Variants in ZFYVE9 observed in about 807,000 individuals in gnomAD.
ZFYVE9 encodes zinc finger FYVE domain-containing protein 9.
ZFYVE9 carries 43 observed loss-of-function variants against 126.7 expected under a neutral mutation model. The observed-to-expected ratio is 0.34, with a 90% CI of 0.27 to 0.44. The LOEUF (loss-of-function observed/expected upper bound fraction) is 0.44, where lower values mean the gene tolerates loss of function less well. ZFYVE9 is among the 20% of genes least tolerant of loss of function. The probability of loss-of-function intolerance (pLI) is 1.00; values close to 1 mark genes in which losing one functional copy is unlikely to be tolerated. For synonymous variants in ZFYVE9, 521 were observed against 597.4 expected, an observed-to-expected ratio of 0.87 and a Z score of 1.87; for missense variants, 1,476 against 1,697.0, an observed-to-expected ratio of 0.87 and a Z score of 2.29.
chr1:52,344,232 G>A (rs529256146), intron 17 of ZFYVE9, among the ~76,000 whole-genome samples: 3 of 152,316 alleles, frequency 2.0e-5, no homozygotes, highest in Non-Finnish European at 4.4e-5. Context: ...TAGTGGCAGG[G>A]CTGTGTGGTG....
chr1:52,344,004 A>G (rs1646463268), intron 17 of ZFYVE9, among the ~76,000 whole-genome samples: 1 of 151,844 alleles, frequency 6.6e-6, no homozygotes, highest in Non-Finnish European at 1.5e-5. Context: ...CCTAAGAGGC[A>G]AAGGTTGCAG....
intron 2 of ZFYVE9, among the ~76,000 whole-genome samples, chr1:52,224,499 A>C (rs1645152291): frequency 6.6e-6 from 1 of 152,162 alleles, no homozygotes; most frequent in South Asian, 2.1e-4. Flanking sequence ...TTTTTCTCCA[A>C]CATAGAGCAT....
intron 12 of ZFYVE9, among the ~76,000 whole-genome samples, chr1:52,298,630 T>C (rs1646000520): frequency 6.6e-6 from 1 of 152,150 alleles, no homozygotes; most frequent in South Asian, 2.1e-4. Flanking sequence ...TTTGAGGCCT[T>C]TTGTGGTTTT....
chr1:52,222,779 CT>C (rs1645135898), intron 2 of ZFYVE9, among the ~76,000 whole-genome samples: 1 of 152,212 alleles, frequency 6.6e-6, no homozygotes, highest in Non-Finnish European at 1.5e-5. Flanking sequence ...ATGGATTTGG[CT>C]TTCTTCCGAA....
chr1:52,207,063 C>T (rs1383437014), intron 1 of ZFYVE9, among the ~76,000 whole-genome samples: 1 of 152,198 alleles, frequency 6.6e-6, no homozygotes, highest in African/African-American at 2.4e-5. Flanking sequence ...GAAACATTCT[C>T]CCAGACACAC....
intron 2 of ZFYVE9, among the ~76,000 whole-genome samples, chr1:52,229,170 A>G (rs921062023): frequency 2.6e-5 from 4 of 152,174 alleles, no homozygotes; most frequent in Non-Finnish European, 4.4e-5. Flanking sequence ...GCCTAGCCAC[A>G]TATAATATTT....
At chr1:52,280,316 G>A (rs1645790155) in intron 9 of ZFYVE9, among the ~76,000 whole-genome samples, 1 of 151,368 alleles carries the variant, frequency 6.6e-6, no homozygotes, top group African/African-American at 2.4e-5. Context: ...GGAGACGGAG[G>A]TTGCAGTGAG....
At chr1:52,324,161 C>T (rs184871111) in intron 13 of ZFYVE9, among the ~76,000 whole-genome samples, 16 of 151,716 alleles carry the variant, frequency 1.1e-4, no homozygotes, top group Admixed American at 6.6e-4. Context: ...AGGTGGGAGG[C>T]TCACTTGAGC....
At chr1:52,172,436 A>T (rs991281019) in intron 1 of ZFYVE9, among the ~76,000 whole-genome samples, 80 of 152,318 alleles carry the variant, frequency 5.3e-4, no homozygotes, top group Non-Finnish European at 7.9e-4. Flanking sequence ...AGGTAGCATG[A>T]TGCCTCCAGC....
At chr1:52,332,497 C>T (rs571630626) in intron 13 of ZFYVE9, among the ~76,000 whole-genome samples, 223 of 3,998 alleles carry the variant, frequency 0.056, 1 homozygote, top group South Asian at 0.36. Context: ...TACTTGAGTT[C>T]AATCAGCAAT....
intron 4 of ZFYVE9, among the ~76,000 whole-genome samples, chr1:52,248,500 C>G (rs1156596902): frequency 6.6e-6 from 1 of 152,200 alleles, no homozygotes; most frequent in Admixed American, 6.5e-5. Context: ...TGGCAGTACC[C>G]TCACAGAGAC....
intron 1 of ZFYVE9, among the ~76,000 whole-genome samples, chr1:52,176,926 C>G (rs923405878): frequency 6.6e-6 from 1 of 152,156 alleles, no homozygotes; most frequent in Admixed American, 6.5e-5. Context: ...AAGGGAACTC[C>G]CTGACTCCTT....
chr1:52,205,080 T>C (rs957914796), intron 1 of ZFYVE9, among the ~76,000 whole-genome samples: 14 of 149,730 alleles, frequency 9.4e-5, no homozygotes, highest in Non-Finnish European at 3.0e-5. Context: ...TTTTTTTTTT[T>C]TTTTTTTTTT....
rs1232857937 is a variant in ZFYVE9 at position 52,268,623 on chromosome 1, A to G, written c.2616A>G (p.Leu872=). 6.2e-7 allele frequency: 1 copy of G among 1,613,618 alleles called. No homozygotes were observed. The highest frequency in any genetic ancestry group is 8.5e-7 in the Non-Finnish European group (1 of 1,179,752). Residue 872 remains leucine (L), a synonymous_variant, in exon 7 of 19, where the codon CTA becomes CTG. Transcript: ENST00000287727. The stretch of plus-strand genomic sequence containing the variant: ...TCAAGCCAGTAACTACCAGTCCTCT[A>G]CCAGCAGAGGTAAGAAAACAAAACA... ...DPVKPVTTSP[L]PAETDICLFS...
intron 1 of ZFYVE9, among the ~76,000 whole-genome samples, chr1:52,170,918 GTA>G (rs1471496338): frequency 1.3e-5 from 2 of 151,788 alleles, no homozygotes; most frequent in Non-Finnish European, 2.9e-5. Flanking sequence ...AGATAAAAAT[GTA>G]TATTCTGCAG....
At chr1:52,180,531 G>A (rs1644688432) in intron 1 of ZFYVE9, 1 of 715,484 alleles carries the variant, frequency 1.4e-6, no homozygotes, top group South Asian at 1.6e-5. Flanking sequence ...CATGAAGAGG[G>A]ACAGTGATTC....
chr1:52,262,350 A>G (rs552672799), intron 4 of ZFYVE9, among the ~76,000 whole-genome samples: 1 of 152,210 alleles, frequency 6.6e-6, no homozygotes, highest in Non-Finnish European at 1.5e-5. Flanking sequence ...GAGTGTCTTC[A>G]TGGAATTTTT....
At chr1:52,343,718 C>T (rs557539556) in intron 17 of ZFYVE9, among the ~76,000 whole-genome samples, 9 of 147,962 alleles carry the variant, frequency 6.1e-5, no homozygotes, top group African/African-American at 1.5e-4. Flanking sequence ...ATCGCACCAC[C>T]GCACTCCAGC....
In ZFYVE9 at chr1:52,237,503, C is replaced by T; in HGVS notation, c.86C>T (p.Ser29Phe). 1 of 1,599,308 alleles carries T rather than the reference C, an allele frequency of 6.3e-7. No homozygotes were observed. Among genetic ancestry groups the T allele is most frequent in the Non-Finnish European group, 8.5e-7 (1 of 1,170,812 alleles). ...TTTTTTCCAGATGAAACAGTTTCTT[C>T]TACTTTATTGGATACAAAGTGGAAT... ...FEQNEDETVS[S>F]TLLDTKWNKI... Residue 29 changes from serine (S) to phenylalanine (F), a missense_variant, in exon 4 of 19, where the codon TCT becomes TTT. This residue lies in a region of ZFYVE9 where 807 missense variants were observed against 794.6 expected (regional missense o/e 1.02). Coordinates refer to ENST00000287727, the MANE Select transcript of ZFYVE9 (RefSeq NM_004799.4).
Sources: allele counts gnomAD v4.1 joint callset (sites outside exome capture counted in the v4.1 genomes callset), GRCh38; gene constraint gnomAD v4.1.1; regional missense constraint gnomAD v4.1.1; transcripts MANE v1.5; gene names NCBI Gene and HGNC (gene_info 2026-07-23, HGNC 2026-07-21).